NEIL3: variants seen among roughly 807,000 people sequenced by gnomAD.
The protein encoded by NEIL3 is endonuclease 8-like 3.
NEIL3 carries 48 observed loss-of-function variants against 57.5 expected under a neutral mutation model. The observed-to-expected ratio is 0.83, with a 90% CI of 0.66 to 1.06. NEIL3 has a LOEUF of 1.06. Ranked by LOEUF, NEIL3 falls within the 50% of genes least tolerant of loss-of-function variation. NEIL3 has a pLI of 0.00. For missense variants in NEIL3, 717 were observed against 739.1 expected, an observed-to-expected ratio of 0.97 and a Z score of 0.35; for synonymous variants, 261 against 253.2, an observed-to-expected ratio of 1.03 and a Z score of -0.29.
At chr4:177,327,089 A>G (rs1276732329) in intron 2 of NEIL3, among the ~76,000 whole-genome samples, 1 of 151,962 alleles carries the variant, frequency 6.6e-6, no homozygotes, top group African/African-American at 2.4e-5. Context: ...TTGGTTTTAT[A>G]AGGGGCTCTT....
At chr4:177,320,688 C>T (rs753279240) in intron 1 of NEIL3, among the ~76,000 whole-genome samples, 4 of 151,194 alleles carry the variant, frequency 2.6e-5, no homozygotes, top group Non-Finnish European at 5.9e-5. Context: ...ACGGTGGTCT[C>T]GATCTCCTGA....
At chr4:177,343,871 T>A (rs1735155325) in intron 6 of NEIL3, among the ~76,000 whole-genome samples, 1 of 152,056 alleles carries the variant, frequency 6.6e-6, no homozygotes, top group Non-Finnish European at 1.5e-5. Flanking sequence ...GGTATACATT[T>A]ATTTGACCAA....
chr4:177,353,677 C>T lies in NEIL3; in HGVS notation c.1409C>T (p.Ala470Val). ...CCAGCACATAAAAAACCGAAAACAG[C>T]CCAATACTCATCACCAGAGCTTAAA... ...FSPAHKKPKT[A>V]QYSSPELKSC... is the part of the protein sequence containing the mutation. The change falls in exon 8 of 10, where the codon GCC (alanine) becomes GTC (valine). Residue 470 changes from alanine to valine, a missense_variant. By Grantham distance (64) the Ala-to-Val change is moderately conservative. Transcript: ENST00000264596. 1 of 1,613,788 alleles carries T rather than the reference C, an allele frequency of 6.2e-7. No homozygotes were observed. Among genetic ancestry groups the T allele is most frequent in the Non-Finnish European group, 8.5e-7 (1 of 1,179,786 alleles).
At chr4:177,346,537 T>A (rs909404571) in intron 6 of NEIL3, among the ~76,000 whole-genome samples, 1 of 152,208 alleles carries the variant, frequency 6.6e-6, no homozygotes, top group African/African-American at 2.4e-5. Flanking sequence ...CTTCTGCCTC[T>A]CTTTCATGGG....
intron 1 of NEIL3, among the ~76,000 whole-genome samples, chr4:177,316,642 G>T (rs1305357099): frequency 2.0e-5 from 3 of 152,092 alleles, no homozygotes; most frequent in Admixed American, 1.3e-4. Context: ...GCCACACTTG[G>T]TTTTCAGAGC....
intron 2 of NEIL3, among the ~76,000 whole-genome samples, chr4:177,328,774 G>T (rs748446218): frequency 6.6e-6 from 1 of 152,136 alleles, no homozygotes; most frequent in Non-Finnish European, 1.5e-5. Flanking sequence ...AAATATAAAA[G>T]ATGTTTTTCT....
At chr4:177,320,482 T>C (rs1391960371) in intron 1 of NEIL3, among the ~76,000 whole-genome samples, 2 of 87,794 alleles carry the variant, frequency 2.3e-5, no homozygotes, top group Non-Finnish European at 5.6e-5. Context: ...TTTTTTTTTT[T>C]TTTTTTTTTT....
intron 1 of NEIL3, among the ~76,000 whole-genome samples, chr4:177,316,435 T>C (rs1734576114): frequency 6.6e-6 from 1 of 152,154 alleles, no homozygotes. Context: ...TAGCTTCTAG[T>C]AGTCATGAGG....
In NEIL3 at chr4:177,362,477, G is replaced by A; in HGVS notation, c.*6G>A. ...AAATTATTCCTGGATGCTAATATCT[G>A]TAGATTCTCTGGCATTTAGTCTCTT... On this transcript the variant is annotated 3_prime_UTR_variant, in exon 10 of 10. Coordinates refer to ENST00000264596, the MANE Select transcript of NEIL3 (RefSeq NM_018248.3). 6.2e-7 allele frequency: 1 copy of A among 1,602,796 alleles called. No individual in the cohort carries two copies. Among genetic ancestry groups the A allele is most frequent in the South Asian group, 1.1e-5 (1 of 89,414 alleles).
chr4:177,370,707 C>T, the NEIL3 span, among the ~76,000 whole-genome samples: 3 of 152,088 alleles, frequency 2.0e-5, no homozygotes, highest in East Asian at 1.9e-4. Flanking sequence ...TTGAGATCAG[C>T]CTGGCCAACA....
chr4:177,312,115 T>C (rs1227204747), intron 1 of NEIL3, among the ~76,000 whole-genome samples: 1 of 152,202 alleles, frequency 6.6e-6, no homozygotes, highest in Non-Finnish European at 1.5e-5. Flanking sequence ...TCTCTGATGG[T>C]ATGGCATGAG....
At chr4:177,316,162 A>ATC (rs1047393719) in intron 1 of NEIL3, among the ~76,000 whole-genome samples, 1 of 152,120 alleles carries the variant, frequency 6.6e-6, no homozygotes, top group Admixed American at 6.6e-5. Context: ...TTAATGTGGT[A>ATC]TCTCTCTCTC....
In NEIL3 at chr4:177,360,619, A is replaced by G; in HGVS notation, c.1577A>G (p.Lys526Arg). The G allele has an allele frequency of 6.2e-7, 1 of 1,614,004 alleles. No individual in the cohort carries two copies. The highest frequency in any genetic ancestry group is 8.5e-7 in the Non-Finnish European group (1 of 1,179,894). ...GTTGTGGGGAAGGATGGGGAAAACAAGGGCAGGCAGTTTTATGCCTGTCCT... is the reference window on the plus strand; with the variant it reads ...GTTGTGGGGAAGGATGGGGAAAACAGGGGCAGGCAGTTTTATGCCTGTCCT... ...LRVVGKDGEN[K>R]GRQFYACPLP... Residue 526 changes from lysine (K) to arginine (R), a missense_variant, in exon 9 of 10, where the codon AAG (lysine) becomes AGG (arginine). Lys to Arg is a conservative substitution (Grantham distance 26). Coordinates refer to ENST00000264596, the MANE Select transcript of NEIL3 (RefSeq NM_018248.3).
chr4:177,352,849 G>C (rs1466912749), intron 7 of NEIL3, among the ~76,000 whole-genome samples: 5 of 151,200 alleles, frequency 3.3e-5, no homozygotes, highest in Non-Finnish European at 7.4e-5. Flanking sequence ...AAAAGAAGAT[G>C]TTAAGTCTTT....
intron 7 of NEIL3, 73 bp from the exon 8 acceptor site, chr4:177,353,231 CAAAT>C: frequency 7.9e-7 from 1 of 1,264,688 alleles, no homozygotes; most frequent in Non-Finnish European, 1.1e-6. Flanking sequence ...ATTTTTTAAT[CAAAT>C]AAAAAGATGT....
At chr4:177,316,049 C>T (rs978043078) in intron 1 of NEIL3, among the ~76,000 whole-genome samples, 3 of 152,114 alleles carry the variant, frequency 2.0e-5, no homozygotes, top group Non-Finnish European at 4.4e-5. Context: ...TATCTTTTTT[C>T]CTATACATAC....
At chr4:177,368,362 A>G in the NEIL3 span, among the ~76,000 whole-genome samples, 2 of 152,230 alleles carry the variant, frequency 1.3e-5, no homozygotes, top group African/African-American at 4.8e-5. Flanking sequence ...TGTATATTAT[A>G]GTTCATCAGT....
intron 6 of NEIL3, among the ~76,000 whole-genome samples, chr4:177,342,062 C>G (rs536552820): frequency 1.3e-5 from 2 of 152,208 alleles, no homozygotes; most frequent in African/African-American, 4.8e-5. Flanking sequence ...ACTAAACCCA[C>G]GTGTAGTAGT....
At chr4:177,353,223 T>C (rs3805173) in intron 7 of NEIL3, 85 bp from the exon 8 acceptor site, 245,466 of 1,208,554 alleles carry the variant, frequency 0.2, 26,048 homozygotes, top group Non-Finnish European at 0.22. Flanking sequence ...TGAAGTAAAT[T>C]TTTTAATCAA....
Sources: gnomAD v4.1 joint callset for allele counts (sites outside exome capture counted in the v4.1 genomes callset) on GRCh38, gnomAD v4.1.1 for gene constraint, MANE v1.5 for transcripts, NCBI Gene and HGNC (gene_info 2026-07-23, HGNC 2026-07-21) for gene names.